The following RAI2 variants were observed in gnomAD, a reference collection of about 807,000 sequenced individuals.
RAI2 encodes retinoic acid induced 2.
A neutral mutation model predicts 15.3 loss-of-function variants in RAI2; 5 were observed. The observed-to-expected ratio is 0.33, with a 90% CI of 0.17 to 0.69. The LOEUF (loss-of-function observed/expected upper bound fraction) is 0.69, where lower values mean the gene tolerates loss of function less well. RAI2 is among the 30% of genes least tolerant of loss of function. The probability of loss-of-function intolerance (pLI) is 0.69; values close to 1 mark genes in which losing one functional copy is unlikely to be tolerated. For missense variants in RAI2, 424 were observed against 424.7 expected (o/e 1.00, Z 0.01); for synonymous variants, 191 against 184.0 (o/e 1.04, Z -0.31).
rs986970179 is a variant in RAI2 at position 17,803,854 on chromosome X, G to A, written c.-24-1820C>T. 5.3e-5 allele frequency among the ~76,000 whole-genome samples: 6 copies of A among 112,475 alleles called. No homozygotes were observed. In the Admixed American group the frequency reaches 5.6e-4, roughly 10 times the overall value. On this transcript the variant is annotated intron_variant, in intron 1 of 1. Transcript: ENST00000451717. ...GGCAGCCTGGCCCCAGGGAGGCTGAGGGGGCTTGCCCTAGCTGAAGGGTCT... is the reference window on the plus strand; with the variant it reads ...GGCAGCCTGGCCCCAGGGAGGCTGAAGGGGCTTGCCCTAGCTGAAGGGTCT...
chrX:17,824,583 T>C (rs192713861), intron 1 of RAI2, among the ~76,000 whole-genome samples: 10 of 110,415 alleles, frequency 9.1e-5, no homozygotes, highest in African/African-American at 3.3e-4. Context: ...TAAGGCAGAG[T>C]CCAATGTCTG....
At chrX:17,828,657 C>T (rs974045661) in intron 1 of RAI2, among the ~76,000 whole-genome samples, 3 of 111,587 alleles carry the variant, frequency 2.7e-5, no homozygotes, top group African/African-American at 9.8e-5. Flanking sequence ...CCAAGCTGGA[C>T]CCCAGGGCAG....
intron 1 of RAI2, among the ~76,000 whole-genome samples, chrX:17,824,640 G>C (rs1301229792): frequency 8.9e-6 from 1 of 111,881 alleles, no homozygotes; most frequent in Non-Finnish European, 1.9e-5. Flanking sequence ...TGCAAAATGT[G>C]CCCCTGTGTG....
chrX:17,845,347 T>A (rs2067443803), intron 1 of RAI2, among the ~76,000 whole-genome samples: 1 of 112,736 alleles, frequency 8.9e-6, no homozygotes, highest in South Asian at 3.7e-4. Context: ...ACTGAATTCC[T>A]CCTAGACCAC....
intron 1 of RAI2, among the ~76,000 whole-genome samples, chrX:17,818,329 C>A (rs2067128208): frequency 8.9e-6 from 1 of 112,150 alleles, no homozygotes; most frequent in Non-Finnish European, 1.9e-5. Context: ...GGGACATTTT[C>A]TGTCTGACTT....
intron 1 of RAI2, among the ~76,000 whole-genome samples, chrX:17,833,395 G>A (rs2067303058): frequency 1.8e-5 from 2 of 111,207 alleles, no homozygotes; most frequent in Admixed American, 1.9e-4. Flanking sequence ...GGTGGTGTGC[G>A]CCTGTAATCC....
chrX:17,860,996 C>G (rs1280249300), intron 1 of RAI2, 102 bp downstream of exon 1: 1 of 105,187 alleles, frequency 9.5e-6, no homozygotes, highest in African/African-American at 3.4e-5. Flanking sequence ...CCGGGCCCCG[C>G]CAGGCGCGCC....
At chrX:17,841,035 A>T (rs771102922) in intron 1 of RAI2, among the ~76,000 whole-genome samples, 1 of 112,146 alleles carries the variant, frequency 8.9e-6, no homozygotes, top group Non-Finnish European at 1.9e-5. Flanking sequence ...GCCAGTCTGC[A>T]AATAGCTGAT....
chrX:17,804,840 T>C (rs758890859), intron 1 of RAI2, among the ~76,000 whole-genome samples: 1 of 112,860 alleles, frequency 8.9e-6, no homozygotes, highest in Admixed American at 9.3e-5. Context: ...CATCATTTCC[T>C]GTGAAACCTC....
At chrX:17,824,849 T>G (rs981964080) in intron 1 of RAI2, among the ~76,000 whole-genome samples, 8 of 112,143 alleles carry the variant, frequency 7.1e-5, no homozygotes, top group African/African-American at 1.3e-4. Context: ...ACTCAGGGCT[T>G]GCTCCTCAAG....
At chrX:17,836,528 G>A (rs746339706) in intron 1 of RAI2, among the ~76,000 whole-genome samples, 2 of 112,031 alleles carry the variant, frequency 1.8e-5, no homozygotes, top group East Asian at 5.6e-4. Context: ...TCTAGCGAAC[G>A]AGTATGACTT....
intron 1 of RAI2, among the ~76,000 whole-genome samples, chrX:17,838,947 C>T (rs183348770): frequency 3.6e-5 from 4 of 112,402 alleles, no homozygotes; most frequent in African/African-American, 1.3e-4. Flanking sequence ...TGGAGGCAGC[C>T]CCTGCCCTCT....
In RAI2 at chrX:17,800,249, A is replaced by T; in HGVS notation, c.*169T>A. On this transcript the variant is annotated 3_prime_UTR_variant, in exon 2 of 2. Coordinates refer to ENST00000451717, the MANE Select transcript of RAI2 (RefSeq NM_021785.6). ...ACTCATTTGTGAAAAGTCAAAAATT[A>T]AAAAAGAAAATGATACTAGCATACA... is the stretch of plus-strand genomic sequence containing the variant. The T allele has an allele frequency of 1.6e-6, 1 of 638,003 alleles. No homozygotes were observed. The highest frequency in any genetic ancestry group is 3.8e-5 in the East Asian group (1 of 26,634). 52.6% of individuals were successfully genotyped at this position (638,003 alleles called of 1,213,427 possible).
At chrX:17,820,848 G>T (rs1176188230) in intron 1 of RAI2, among the ~76,000 whole-genome samples, 1 of 109,778 alleles carries the variant, frequency 9.1e-6, no homozygotes, top group African/African-American at 3.3e-5. Context: ...CAACCTCTCA[G>T]CTGAAGAAGG....
intron 1 of RAI2, among the ~76,000 whole-genome samples, chrX:17,851,620 G>A (rs1428026069): frequency 9.0e-6 from 1 of 111,241 alleles, no homozygotes; most frequent in Non-Finnish European, 1.9e-5. Context: ...GCCAATCAAT[G>A]ACCATTGTAA....
Position 17,800,775 on chromosome X carries a change from G to A in RAI2, c.1236C>T (p.Leu412=). 1 of 1,211,857 alleles carries A rather than the reference G, an allele frequency of 8.3e-7. No homozygotes were observed. Among genetic ancestry groups the A allele is most frequent in the African/African-American group, 1.7e-5 (1 of 57,836 alleles). Residue 412 remains leucine, a synonymous_variant, in exon 2 of 2, where the codon CTC becomes CTT. Coordinates refer to ENST00000451717, the MANE Select transcript of RAI2 (RefSeq NM_021785.6). ...ISSSDAATEM[L]SQPNHPSGEV... is the part of the protein sequence containing the mutation. ...CGCCGCTGGGGTGGTTGGGCTGGCT[G>A]AGCATCTCGGTAGCAGCATCACTGC...
chrX:17,839,775 CTTAG>C (rs1366384165), intron 1 of RAI2, among the ~76,000 whole-genome samples: 2 of 112,574 alleles, frequency 1.8e-5, no homozygotes, highest in African/African-American at 6.5e-5. Flanking sequence ...AGGGAATTGG[CTTAG>C]TTAATTATCC....
chrX:17,803,475 G>A (rs1004035556), intron 1 of RAI2, among the ~76,000 whole-genome samples: 6 of 110,421 alleles, frequency 5.4e-5, no homozygotes, highest in African/African-American at 2.0e-4. Context: ...AGGTTGCAGT[G>A]AGCCGAGATC....
intron 1 of RAI2, among the ~76,000 whole-genome samples, chrX:17,849,321 G>A (rs1201094148): frequency 2.7e-5 from 3 of 112,527 alleles, no homozygotes; most frequent in Non-Finnish European, 5.6e-5. Context: ...GTAGCTAGTG[G>A]CTACCATACT....
Sources: allele counts gnomAD v4.1 joint callset (sites outside exome capture counted in the v4.1 genomes callset), GRCh38; gene constraint gnomAD v4.1.1; transcripts MANE v1.5; gene names NCBI Gene and HGNC (gene_info 2026-07-23, HGNC 2026-07-21).